The following TTLL1 variants were observed in gnomAD, a reference collection of about 807,000 sequenced individuals.
TTLL1 encodes the protein polyglutamylase complex subunit TTLL1.
In TTLL1, 33 loss-of-function variants were observed where a neutral mutation model predicts 47.8. The ratio of observed to expected loss-of-function variants is 0.69; its 90% CI spans 0.52 to 0.92. The LOEUF (loss-of-function observed/expected upper bound fraction) is 0.92. Among genes scored for constraint, TTLL1 ranks in the 40% least tolerant of loss-of-function variants. TTLL1 has a pLI of 0.00. For synonymous variants in TTLL1, 225 were observed against 214.1 expected, an observed-to-expected ratio of 1.05 and a Z score of -0.45; for missense variants, 488 against 547.5, an observed-to-expected ratio of 0.89 and a Z score of 1.08.
intron 1 of TTLL1, among the ~76,000 whole-genome samples, chr22:43,082,031 T>C (rs1928929729): frequency 6.6e-6 from 1 of 151,798 alleles, no homozygotes; most frequent in Non-Finnish European, 1.5e-5. Flanking sequence ...TTTGTATTTT[T>C]AGTAGAGGCA....
Position 43,083,104 on chromosome 22 carries a change from C to T in TTLL1, c.-89-3118G>A, listed in dbSNP as rs1050763172. Among the ~76,000 whole-genome samples the T allele has an allele frequency of 3.9e-5, 6 of 152,130 alleles. No homozygotes were observed. The East Asian group carries it at 5.8e-4, about 15-fold the overall frequency. On this transcript the variant is annotated intron_variant, in intron 1 of 10. Coordinates refer to ENST00000266254, the MANE Select transcript of TTLL1 (RefSeq NM_012263.5). ...TATATAGGCTGGGCGCAGCGGCTCA[C>T]GCCTGTAATCCTAGCACTCTGGGAG... is the stretch of plus-strand genomic sequence containing the variant.
In TTLL1 at chr22:43,064,284, G is replaced by C; in HGVS notation, c.544C>G (p.Leu182Val). ...ATTAGTAACGGGTTGTTAATATAGA[G>C]AGAGATCACGTAGGCTTCCTTATTA... ...QSNKEAYVIS[L>V]YINNPLLIGG... is the part of the protein sequence containing the mutation. The change falls in exon 6 of 11, where the codon CTC (leucine) becomes GTC (valine). Residue 182 changes from leucine to valine, a missense_variant. Leu to Val is a conservative substitution (Grantham distance 32). Transcript: ENST00000266254. The C allele has an allele frequency of 2.5e-6, 4 of 1,614,042 alleles. No homozygotes were observed. Among genetic ancestry groups the C allele is most frequent in the South Asian group, 1.1e-5 (1 of 91,034 alleles).
At chr22:43,049,558 C>CA (rs1408384302) in intron 9 of TTLL1, among the ~76,000 whole-genome samples, 5 of 137,340 alleles carry the variant, frequency 3.6e-5, no homozygotes, top group African/African-American at 5.6e-5. Flanking sequence ...AAAACACACA[C>CA]AAAAAAACCC....
intron 9 of TTLL1, among the ~76,000 whole-genome samples, chr22:43,050,063 C>A (rs1926490303): frequency 6.6e-6 from 1 of 151,568 alleles, no homozygotes; most frequent in Non-Finnish European, 1.5e-5. Flanking sequence ...CGCCATTGCT[C>A]TCCAGCCTAG....
At chr22:43,062,973 T>C (rs2146974462) in intron 7 of TTLL1, among the ~76,000 whole-genome samples, 1 of 152,278 alleles carries the variant, frequency 6.6e-6, no homozygotes, top group East Asian at 1.9e-4. Flanking sequence ...AAGCGTGAAA[T>C]ACCTCACATA....
In TTLL1 at chr22:43,070,240, AG is replaced by A. The variant is rs1163470485; in HGVS notation, c.114-397del. Reference sequence around the variant, plus strand: ...GTACCGAAATTCAGGAAGGTCAAGGAGCCTTTAAAAACAAAATCACAGGGGT... The same window carrying A: ...GTACCGAAATTCAGGAAGGTCAAGGACCTTTAAAAACAAAATCACAGGGGT... On this transcript the variant is annotated intron_variant, in intron 3 of 10. Transcript: ENST00000266254. The A allele has an allele frequency of 4.6e-6, 6 of 1,316,330 alleles. No individual in the cohort carries two copies. In the African/African-American group the frequency reaches 7.5e-5, roughly 17 times the overall value. 81.5% of individuals were successfully genotyped at this position (1,316,330 alleles called of 1,614,324 possible).
intron 10 of TTLL1, among the ~76,000 whole-genome samples, chr22:43,040,613 T>G (rs1160725607): frequency 1.3e-5 from 2 of 151,978 alleles, no homozygotes; most frequent in African/African-American, 4.8e-5. Flanking sequence ...ACCCAGCAAA[T>G]TTTTGTATTT....
chr22:43,039,700 A>G lies in TTLL1; in HGVS notation c.*76T>C. On this transcript the variant is annotated 3_prime_UTR_variant, in exon 11 of 11. Transcript: ENST00000266254. ...GCTTAGGAAAGGAAAAAAGCTCTAC[A>G]AAAGGGAAATTTCAAAATAGGGCTT... 6.8e-7 allele frequency: 1 copy of G among 1,480,400 alleles called. No individual in the cohort carries two copies. The highest frequency in any genetic ancestry group is 9.0e-7 in the Non-Finnish European group (1 of 1,111,190). 91.7% of individuals were successfully genotyped at this position (1,480,400 alleles called of 1,614,324 possible). A position where few individuals can be genotyped will look rare whatever the true frequency, so the allele number is the denominator to read the frequency against.
intron 2 of TTLL1, among the ~76,000 whole-genome samples, chr22:43,078,878 G>A (rs950424771): frequency 2.1e-3 from 306 of 148,652 alleles, no homozygotes; most frequent in African/African-American, 7.5e-3. Context: ...GGGACCACGG[G>A]AGCCGCACCC....
chr22:43,084,318 T>C (rs1232487665), intron 1 of TTLL1, among the ~76,000 whole-genome samples: 3 of 151,204 alleles, frequency 2.0e-5, no homozygotes, highest in East Asian at 2.0e-4. Flanking sequence ...GCCCAGCTAA[T>C]TGTGTATTTT....
intron 9 of TTLL1, among the ~76,000 whole-genome samples, chr22:43,050,509 TTTTG>T (rs1344519814): frequency 9.7e-5 from 12 of 123,868 alleles, no homozygotes; most frequent in African/African-American, 4.2e-4. Context: ...TCTGGTTTTT[TTTTG>T]TTTTTTTTTT....
At chr22:43,072,206 T>G (rs1928173080) in intron 3 of TTLL1, among the ~76,000 whole-genome samples, 1 of 147,152 alleles carries the variant, frequency 6.8e-6, no homozygotes, top group Admixed American at 7.1e-5. Flanking sequence ...CAGGCTGGAG[T>G]GTAGTGGCGT....
At chr22:43,075,352 C>T (rs189960726) in intron 3 of TTLL1, 122 bp downstream of exon 3, 22 of 801,444 alleles carry the variant, frequency 2.7e-5, no homozygotes, top group South Asian at 2.6e-4. Flanking sequence ...AAAATGTGTG[C>T]GGGGAGATGG....
At chr22:43,049,601 CAA>C (rs34707208) in intron 9 of TTLL1, among the ~76,000 whole-genome samples, 201 of 105,422 alleles carry the variant, frequency 1.9e-3, no homozygotes, top group Non-Finnish European at 8.0e-4. Flanking sequence ...CCCATCTCCA[CAA>C]AAAAAAAAAA....
At chr22:43,055,135 T>C (rs932491623) in intron 8 of TTLL1, among the ~76,000 whole-genome samples, 5 of 150,910 alleles carry the variant, frequency 3.3e-5, no homozygotes, top group African/African-American at 1.2e-4. Flanking sequence ...GCGATTCTCC[T>C]GCGTCAGCCT....
intron 10 of TTLL1, among the ~76,000 whole-genome samples, chr22:43,044,079 G>C (rs1320932486): frequency 6.6e-6 from 1 of 151,738 alleles, no homozygotes; most frequent in African/African-American, 2.4e-5. Flanking sequence ...CCTAGTGCCC[G>C]ACTCCAACAA....
chr22:43,041,904 C>T lies in TTLL1; in HGVS notation c.1143-1999G>A, dbSNP rs1004453172. Among the ~76,000 whole-genome samples, 8 of 152,164 alleles carry T rather than the reference C, an allele frequency of 5.3e-5. No homozygotes were observed. The South Asian group carries it at 1.7e-3, about 31-fold the overall frequency. ...AGCTGTCAGGATGATGATACAGGGG[C>T]CTGCTTCCTCTCTGGCTCTCGAAGG... On this transcript the variant is annotated intron_variant, in intron 10 of 10. Transcript: ENST00000266254.
chr22:43,071,698 C>T (rs1928135262), intron 3 of TTLL1, among the ~76,000 whole-genome samples: 1 of 152,246 alleles, frequency 6.6e-6, no homozygotes, highest in African/African-American at 2.4e-5. Context: ...GCGTGAGCCA[C>T]CATGCCGGCC....
intron 9 of TTLL1, among the ~76,000 whole-genome samples, chr22:43,048,640 T>C (rs1304691285): frequency 7.4e-6 from 1 of 134,258 alleles, no homozygotes; most frequent in South Asian, 2.4e-4. Context: ...CTTGGTCTCT[T>C]AAAAAAAAAA....
Sources: gnomAD v4.1 joint callset for allele counts (sites outside exome capture counted in the v4.1 genomes callset) on GRCh38, gnomAD v4.1.1 for gene constraint, MANE v1.5 for transcripts, NCBI Gene and HGNC (gene_info 2026-07-23, HGNC 2026-07-21) for gene names.